The following CELF2 variants were observed in gnomAD, a reference collection of about 807,000 sequenced individuals.
The protein encoded by CELF2 is CUG triplet repeat RNA-binding protein 2.
CELF2 carries 8 observed loss-of-function variants against 62.6 expected under a neutral mutation model. The observed-to-expected ratio is 0.13, with a 90% confidence interval of 0.07 to 0.23. The LOEUF is 0.23. CELF2 is among the 10% of genes least tolerant of loss of function. The pLI is 1.00. For synonymous variants in CELF2, 258 were observed against 250.0 expected, an observed-to-expected ratio of 1.03 and a Z score of -0.30; for missense variants, 333 against 671.0, an observed-to-expected ratio of 0.50 and a Z score of 5.56.
At chr10:10,512,125 G>T in the CELF2 span, among the ~76,000 whole-genome samples, 1 of 152,096 alleles carries the variant, frequency 6.6e-6, no homozygotes, top group Admixed American at 6.6e-5. Context: ...CAACTAATCA[G>T]CTCCTTGCTC....
In CELF2 at chr10:11,330,926, T is replaced by C. The variant is rs1294395381; in HGVS notation, c.*1873T>C. 6.6e-6 allele frequency: 1 copy of C among 152,612 alleles called. No individual in the cohort carries two copies. Among genetic ancestry groups the C allele is most frequent in the African/African-American group, 2.4e-5 (1 of 41,456 alleles). 9.5% of individuals were successfully genotyped at this position (152,612 alleles called of 1,614,324 possible). ...ATTTTAAGTCTCTAGAGGTCTGTAA[T>C]AGTTTTTACATTTTTCAGGCAGTGT... On this transcript the variant is annotated 3_prime_UTR_variant, in exon 13 of 13. Coordinates refer to ENST00000633077, the MANE Select transcript of CELF2 (RefSeq NM_001326342.2). This position sits in a 1 kb window ranked among gnomAD's most constrained non-coding sequence, Gnocchi z 4.5.
the CELF2 span, among the ~76,000 whole-genome samples, chr10:10,513,990 C>G: frequency 2.6e-5 from 4 of 152,342 alleles, no homozygotes; most frequent in South Asian, 8.3e-4. Flanking sequence ...AAAGCCTAGA[C>G]CCTTCCTCTT....
chr10:10,583,128 G>A, the CELF2 span, among the ~76,000 whole-genome samples: 1 of 152,172 alleles, frequency 6.6e-6, no homozygotes, highest in Non-Finnish European at 1.5e-5. Flanking sequence ...CGAAGGCCTT[G>A]CAGTGCAACT....
At chr10:10,546,888 C>T in the CELF2 span, among the ~76,000 whole-genome samples, 1 of 151,926 alleles carries the variant, frequency 6.6e-6, no homozygotes, top group African/African-American at 2.4e-5. Context: ...AGGGGGATCA[C>T]CTGAGGTCTG....
At chr10:11,018,378 G>A (rs1444609054) in intron 1 of CELF2, among the ~76,000 whole-genome samples, 5 of 151,714 alleles carry the variant, frequency 3.3e-5, no homozygotes, top group Non-Finnish European at 5.9e-5. Flanking sequence ...GGGCTTCCCG[G>A]AGGGACGAGC....
At chr10:10,741,546 C>T in the CELF2 span, among the ~76,000 whole-genome samples, 4 of 147,910 alleles carry the variant, frequency 2.7e-5, no homozygotes, top group Admixed American at 1.4e-4. Context: ...GAATACTCAT[C>T]GGTTGTTTTG....
chr10:10,944,135 T>C (rs1207678591), intron 2 of CELF2: 1 of 152,636 alleles, frequency 6.6e-6, no homozygotes, highest in African/African-American at 2.4e-5. Context: ...TGATCTGCAG[T>C]GTCCCTACCC....
intron 1 of CELF2, among the ~76,000 whole-genome samples, chr10:11,088,094 T>A (rs2047308474): frequency 6.6e-6 from 1 of 152,040 alleles, no homozygotes; most frequent in Non-Finnish European, 1.5e-5. Flanking sequence ...TGTGCTTCAG[T>A]AGAGGAGGTG....
intron 2 of CELF2, among the ~76,000 whole-genome samples, chr10:11,197,036 A>AG (rs1554936440): frequency 4.1e-5 from 1 of 24,484 alleles, no homozygotes; most frequent in African/African-American, 3.3e-4. Context: ...AAAGAAAGAA[A>AG]GAAAGAAAGA....
chr10:10,709,798 G>C, the CELF2 span, among the ~76,000 whole-genome samples: 3 of 152,072 alleles, frequency 2.0e-5, no homozygotes, highest in Admixed American at 2.0e-4. Context: ...TTAAAAATCC[G>C]GCACTCAGTT....
chr10:10,722,709 G>T, the CELF2 span, among the ~76,000 whole-genome samples: 1 of 152,322 alleles, frequency 6.6e-6, no homozygotes, highest in Admixed American at 6.5e-5. Context: ...AACCAGCAAA[G>T]ACACTTGATT....
the CELF2 span, among the ~76,000 whole-genome samples, chr10:10,464,784 G>A: frequency 6.6e-6 from 1 of 152,146 alleles, no homozygotes; most frequent in South Asian, 2.1e-4. Flanking sequence ...TTAAAATGAT[G>A]CTTTCCCCCA....
At chr10:11,131,086 A>G (rs566915184) in intron 1 of CELF2, among the ~76,000 whole-genome samples, 33 of 152,260 alleles carry the variant, frequency 2.2e-4, no homozygotes, top group Admixed American at 2.0e-3. Context: ...TTGCAGTTCT[A>G]CTGAAAATAC....
the CELF2 span, among the ~76,000 whole-genome samples, chr10:10,639,826 C>T: frequency 6.6e-6 from 1 of 152,144 alleles, no homozygotes; most frequent in Non-Finnish European, 1.5e-5. Flanking sequence ...ACAAGACTCA[C>T]TAGGGACCGT....
At chr10:10,942,312 A>G (rs764855883) in intron 2 of CELF2, among the ~76,000 whole-genome samples, 2 of 152,240 alleles carry the variant, frequency 1.3e-5, no homozygotes, top group Admixed American at 6.5e-5. Context: ...ATGCCTCACC[A>G]TCTCTCACAA....
the CELF2 span, among the ~76,000 whole-genome samples, chr10:10,613,971 C>G: frequency 3.3e-5 from 5 of 152,030 alleles, no homozygotes; most frequent in Non-Finnish European, 5.9e-5. Flanking sequence ...CCCTCAATGT[C>G]TATAATTTTT....
At chr10:10,548,749 T>G in the CELF2 span, among the ~76,000 whole-genome samples, 3 of 152,166 alleles carry the variant, frequency 2.0e-5, no homozygotes, top group South Asian at 2.1e-4. Context: ...ATCCCATAAT[T>G]ATTTTTCGTA....
upstream of CELF2, among the ~76,000 whole-genome samples, chr10:10,795,405 C>T (rs1372665298): frequency 5.3e-5 from 8 of 151,928 alleles, no homozygotes; most frequent in African/African-American, 1.2e-4. Context: ...AGTGACATGA[C>T]GGAAAACTAA....
At chr10:10,505,244 C>G in the CELF2 span, among the ~76,000 whole-genome samples, 1 of 152,024 alleles carries the variant, frequency 6.6e-6, no homozygotes, top group South Asian at 2.1e-4. Context: ...CTCATTAATG[C>G]CAGGTAGAGA....
Sources: gnomAD v4.1 joint callset for allele counts (sites outside exome capture counted in the v4.1 genomes callset) on GRCh38, gnomAD v4.1.1 for gene constraint, Gnocchi (gnomAD v3.1) non-coding constraint, MANE v1.5 for transcripts, NCBI Gene and HGNC (gene_info 2026-07-23, HGNC 2026-07-21) for gene names.